The following SDCBP2 variants were observed in gnomAD, a reference collection of about 807,000 sequenced individuals.
SDCBP2 encodes the protein syntenin-2.
SDCBP2 carries 28 observed loss-of-function variants against 30.7 expected under a neutral mutation model. That is an observed-to-expected ratio of 0.91 (90% CI 0.68 to 1.25). The LOEUF (loss-of-function observed/expected upper bound fraction) is 1.25. Ranked by LOEUF, SDCBP2 falls within the 50% of genes most tolerant of loss-of-function variation. The pLI, the probability that SDCBP2 is intolerant of heterozygous loss-of-function variation, is 0.00. For missense variants in SDCBP2, 399 were observed against 379.0 expected (o/e 1.05, Z -0.44); for synonymous variants, 166 against 157.3 (o/e 1.06, Z -0.41).
rs896949013 is a variant in SDCBP2 at position 1,310,382 on chromosome 20, T to C, written c.*59A>G. ...GCTGCAACCCATCATCCGAGGGTGGTTGCCCTTTGCTGCAGGAGGGCGGGA... is the reference window on the plus strand; with the variant it reads ...GCTGCAACCCATCATCCGAGGGTGGCTGCCCTTTGCTGCAGGAGGGCGGGA... On this transcript the variant is annotated 3_prime_UTR_variant, in exon 9 of 9. Coordinates refer to ENST00000360779, the MANE Select transcript of SDCBP2 (RefSeq NM_080489.5). The C allele has an allele frequency of 1.8e-5, 28 of 1,562,904 alleles. 1 individual carries two copies. The Admixed American group carries it at 2.9e-4, about 16-fold the overall frequency.
At chr20:1,311,034 C>A in intron 7 of SDCBP2, 143 bp from the exon 8 acceptor site, 3 of 590,026 alleles carry the variant, frequency 5.1e-6, no homozygotes, top group Non-Finnish European at 8.9e-6. Context: ...CCTCGGACCC[C>A]GAGCCTGTCA....
rs1052706786 is a variant in SDCBP2 at position 1,310,831 on chromosome 20, G to A, written c.793C>T (p.Pro265Ser). ...AGNVVTLTII[P>S]SVIYEHMVKK... ...ACCATGTGCTCGTAGATCACACTGG[G>A]GATGATGGTCAGGGTGACAACGTTC... is the stretch of plus-strand genomic sequence containing the variant. The change falls in exon 8 of 9, where the codon CCC (proline) becomes TCC (serine). Residue 265 changes from proline (P) to serine (S), a missense_variant. Coordinates refer to ENST00000360779, the MANE Select transcript of SDCBP2 (RefSeq NM_080489.5). The A allele has an allele frequency of 1.2e-6, 2 of 1,613,860 alleles. No individual in the cohort carries two copies. Among genetic ancestry groups the A allele is most frequent in the African/African-American group, 2.7e-5 (2 of 74,894 alleles).
At chr20:1,312,288 A>C in intron 7 of SDCBP2, 49 bp downstream of exon 7, 1 of 1,584,608 alleles carries the variant, frequency 6.3e-7, no homozygotes, top group Middle Eastern at 1.7e-4. Context: ...CAAAGACCTG[A>C]GCCCTCCCAC....
At chr20:1,326,294 A>G (rs1040362558) in intron 1 of SDCBP2, among the ~76,000 whole-genome samples, 1 of 152,208 alleles carries the variant, frequency 6.6e-6, no homozygotes, top group African/African-American at 2.4e-5. Flanking sequence ...CCCATGGGCT[A>G]TGTCAGAAAT....
At chr20:1,328,530 G>T (rs1027869780) in intron 1 of SDCBP2, among the ~76,000 whole-genome samples, 2 of 152,198 alleles carry the variant, frequency 1.3e-5, no homozygotes, top group African/African-American at 4.8e-5. Flanking sequence ...GGCATGCACT[G>T]GCTCCTGTGT....
chr20:1,327,010 C>T (rs1339906715), intron 1 of SDCBP2, among the ~76,000 whole-genome samples: 1 of 152,134 alleles, frequency 6.6e-6, no homozygotes, highest in Non-Finnish European at 1.5e-5. Context: ...AAACCATGGC[C>T]CTAACGAGTT....
intron 4 of SDCBP2, among the ~76,000 whole-genome samples, chr20:1,315,854 T>C (rs867269866): frequency 6.6e-6 from 1 of 152,096 alleles, no homozygotes; most frequent in Admixed American, 6.5e-5. Context: ...GACTTTAGAA[T>C]ACACAAAGAA....
At position 1,320,251 on chromosome 20, in the gene SDCBP2, C is replaced by T; in HGVS notation, c.54+112G>A. On this transcript the variant is annotated intron_variant, in intron 2 of 8. Coordinates refer to ENST00000360779, the MANE Select transcript of SDCBP2 (RefSeq NM_080489.5). This position sits in a 1 kb window ranked among gnomAD's most constrained non-coding sequence, Gnocchi z 4.7. ...CAGCAGGCCCTGCAGTGGACACCTA[C>T]ATGCCCTGAGGCCTACGGGAATCTC... is the stretch of plus-strand genomic sequence containing the variant. 4 of 923,598 alleles carry T rather than the reference C, an allele frequency of 4.3e-6. No homozygotes were observed. The highest frequency in any genetic ancestry group is 2.4e-5 in the East Asian group (1 of 41,370). 57.2% of individuals were successfully genotyped at this position (923,598 alleles called of 1,614,324 possible).
At chr20:1,327,959 CTG>C (rs1012803511) in intron 1 of SDCBP2, among the ~76,000 whole-genome samples, 3 of 152,214 alleles carry the variant, frequency 2.0e-5, no homozygotes, top group African/African-American at 7.2e-5. Context: ...CTTTGTGACT[CTG>C]TGTGCTGTGT....
Position 1,320,496 on chromosome 20 carries a change from C to A in SDCBP2, c.-19-61G>T. On this transcript the variant is annotated intron_variant, in intron 1 of 8. Coordinates refer to ENST00000360779, the MANE Select transcript of SDCBP2 (RefSeq NM_080489.5). The surrounding 1 kb of genome is among the most constrained non-coding windows in gnomAD (Gnocchi z 4.7). ...CAGCTGATGCCCCCTTGAAAGGAGG[C>A]ACAGACATCCGCAACAGCAAGCGGG... 1 of 1,326,178 alleles carries A rather than the reference C, an allele frequency of 7.5e-7. No homozygotes were observed. Among genetic ancestry groups the A allele is most frequent in the Admixed American group, 2.0e-5 (1 of 49,648 alleles). 82.2% of individuals were successfully genotyped at this position (1,326,178 alleles called of 1,614,324 possible). A position where few individuals can be genotyped will look rare whatever the true frequency, so the allele number is the denominator to read the frequency against.
At chr20:1,317,864 G>A (rs2088800139) in intron 4 of SDCBP2, 1 of 327,946 alleles carries the variant, frequency 3.0e-6, no homozygotes, top group Admixed American at 4.5e-5. Flanking sequence ...TATGTTTTCA[G>A]TGGCATATAT....
intron 1 of SDCBP2, among the ~76,000 whole-genome samples, chr20:1,328,187 G>C (rs1334186757): frequency 6.6e-6 from 1 of 152,162 alleles, no homozygotes; most frequent in Admixed American, 6.5e-5. Context: ...GAGGAGTAGT[G>C]GGGAGGAAGC....
At chr20:1,310,559 A>G in intron 8 of SDCBP2, 64 bp from the exon 9 acceptor site, 1 of 1,484,028 alleles carries the variant, frequency 6.7e-7, no homozygotes, top group Admixed American at 2.0e-5. Context: ...AGCAACCTCC[A>G]CCCCCTTCCG....
intron 4 of SDCBP2, among the ~76,000 whole-genome samples, chr20:1,314,542 GGAAAA>G (rs1426105076): frequency 2.8e-5 from 3 of 106,420 alleles, no homozygotes; most frequent in Non-Finnish European, 6.0e-5. Flanking sequence ...AGAAAAGAAA[GGAAAA>G]GAAAAGAAAA....
chr20:1,318,441 TA>T, intron 3 of SDCBP2, 23 bp from the exon 4 acceptor site: 1 of 1,476,420 alleles, frequency 6.8e-7, no homozygotes, highest in South Asian at 1.2e-5. Context: ...GAAGGAAGAA[TA>T]AATGTGTCAT....
rs759284757 is a variant in SDCBP2 at position 1,312,370 on chromosome 20, A to G, written c.699T>C (p.Cys233=). The G allele has an allele frequency of 1.4e-5, 23 of 1,613,240 alleles. No homozygotes were observed. Among genetic ancestry groups the G allele is most frequent in the Middle Eastern group, 1.6e-4 (1 of 6,084 alleles). The part of the protein sequence containing the change: ...RNGLLTNHYV[C]EVDGQNVIGL... ...CGATAACATTCTGCCCGTCCACCTC[A>G]CACACGTAGTGGTTGGTGAGGAGCC... is the stretch of plus-strand genomic sequence containing the variant. Residue 233 remains cysteine, a synonymous_variant, in exon 7 of 9, where the codon TGT becomes TGC. Coordinates refer to ENST00000360779, the MANE Select transcript of SDCBP2 (RefSeq NM_080489.5).
At chr20:1,322,623 G>A (rs1193298273) in intron 1 of SDCBP2, 4 of 152,216 alleles carry the variant, frequency 2.6e-5, no homozygotes, top group Non-Finnish European at 5.9e-5. Context: ...CAAAGCTGGA[G>A]TACAGTGGCG....
At chr20:1,328,766 C>T (rs1044793672) in intron 1 of SDCBP2, among the ~76,000 whole-genome samples, 4 of 152,062 alleles carry the variant, frequency 2.6e-5, no homozygotes, top group African/African-American at 7.2e-5. Flanking sequence ...CCTCTGGTTT[C>T]GGCTGGAATT....
intron 1 of SDCBP2, chr20:1,325,427 G>A (rs2088908098): frequency 1.3e-5 from 2 of 152,220 alleles, no homozygotes; most frequent in Non-Finnish European, 1.5e-5. Context: ...CTGCAGAGTG[G>A]AACATGGCGG....
Sources: allele counts gnomAD v4.1 joint callset (sites outside exome capture counted in the v4.1 genomes callset), GRCh38; gene constraint gnomAD v4.1.1; non-coding constraint Gnocchi (gnomAD v3.1); transcripts MANE v1.5; gene names NCBI Gene and HGNC (gene_info 2026-07-23, HGNC 2026-07-21).